PARD3B: variants seen among roughly 807,000 people sequenced by gnomAD.
PARD3B encodes partitioning defective 3 homolog B.
Under a neutral mutation model 130.2 loss-of-function variants are expected in PARD3B, and 103 were observed. That is an observed-to-expected ratio of 0.79 (90% CI 0.67 to 0.93). The LOEUF is 0.93. Ranked by LOEUF, PARD3B falls within the 40% of genes least tolerant of loss-of-function variation. PARD3B has a pLI of 0.00. For missense variants in PARD3B, 1,609 were observed against 1,499.2 expected, an observed-to-expected ratio of 1.07 and a Z score of -1.21; for synonymous variants, 583 against 553.2, an observed-to-expected ratio of 1.05 and a Z score of -0.76.
intron 4 of PARD3B, among the ~76,000 whole-genome samples, chr2:205,077,747 G>A (rs908154150): frequency 6.6e-6 from 1 of 152,082 alleles, no homozygotes; most frequent in African/African-American, 2.4e-5. Context: ...TATCCTTGGG[G>A]ATTTTTTTGA....
chr2:205,335,187 A>G (rs1215779950), intron 18 of PARD3B, among the ~76,000 whole-genome samples: 4 of 152,128 alleles, frequency 2.6e-5, no homozygotes, highest in Admixed American at 1.3e-4. Flanking sequence ...CTTTGATCCA[A>G]TCCAAATATA....
At position 205,443,075 on chromosome 2, in the gene PARD3B, A is replaced by C. The variant is rs374037728; in HGVS notation, c.3044+2403A>C. Among the ~76,000 whole-genome samples the C allele has an allele frequency of 3.5e-4, 54 of 152,326 alleles. 3 individuals are homozygous for C. Among genetic ancestry groups the C allele is most frequent in the African/African-American group, 1.3e-3 (52 of 41,580 alleles). On this transcript the variant is annotated intron_variant, in intron 20 of 22. Transcript: ENST00000406610. ...CCTGCTCCTTGTTCTTCAAGTCTTCAAGCAAGCCGATTTTGTCCTGGCACA... is the reference window on the plus strand; with the variant it reads ...CCTGCTCCTTGTTCTTCAAGTCTTCCAGCAAGCCGATTTTGTCCTGGCACA...
intron 4 of PARD3B, among the ~76,000 whole-genome samples, chr2:205,092,652 G>A (rs1350192264): frequency 6.6e-6 from 1 of 152,142 alleles, no homozygotes; most frequent in Non-Finnish European, 1.5e-5. Flanking sequence ...TGGAAGAGGA[G>A]AGGAATATCG....
intron 2 of PARD3B, among the ~76,000 whole-genome samples, chr2:204,775,725 T>A (rs560493808): frequency 1.1e-4 from 17 of 152,308 alleles, no homozygotes; most frequent in South Asian, 8.3e-4. Flanking sequence ...TAATTCTGCT[T>A]ACTTGGCTGT....
At chr2:205,338,567 A>C (rs12476682) in intron 18 of PARD3B, among the ~76,000 whole-genome samples, 91,400 of 152,072 alleles carry the variant, frequency 0.6, 30,812 homozygotes, top group South Asian at 0.77. Context: ...CTACTCTGGA[A>C]AATCCATTTC....
intron 20 of PARD3B, among the ~76,000 whole-genome samples, chr2:205,468,065 T>C (rs1369922708): frequency 6.6e-6 from 1 of 152,244 alleles, no homozygotes; most frequent in African/African-American, 2.4e-5. Flanking sequence ...AGGTCTGCTT[T>C]CATCCCAGTT....
At chr2:204,771,767 T>C (rs1202177316) in intron 2 of PARD3B, among the ~76,000 whole-genome samples, 1 of 152,162 alleles carries the variant, frequency 6.6e-6, no homozygotes, top group Non-Finnish European at 1.5e-5. Flanking sequence ...ATTTTATTAT[T>C]ATACTTTGTT....
chr2:204,593,859 AC>A (rs1313314764), intron 1 of PARD3B, among the ~76,000 whole-genome samples: 8 of 152,190 alleles, frequency 5.3e-5, no homozygotes, highest in Non-Finnish European at 1.0e-4. Context: ...ACCAGCATCC[AC>A]TAAGACTTTT....
chr2:204,892,836 A>G (rs1410314045), intron 2 of PARD3B, among the ~76,000 whole-genome samples: 1 of 152,210 alleles, frequency 6.6e-6, no homozygotes, highest in Non-Finnish European at 1.5e-5. Context: ...TGGTTGAAAG[A>G]TCTGGGCTGG....
intron 19 of PARD3B, among the ~76,000 whole-genome samples, chr2:205,439,512 T>G (rs2047637523): frequency 6.6e-6 from 1 of 152,202 alleles, no homozygotes; most frequent in Non-Finnish European, 1.5e-5. Flanking sequence ...TAGAGCTGAT[T>G]TAACACTTTC....
intron 20 of PARD3B, among the ~76,000 whole-genome samples, chr2:205,493,720 GTATGTATTTATTTATTTATTTATT>G (rs2049815124): frequency 3.9e-4 from 2 of 5,064 alleles, no homozygotes; most frequent in South Asian, 0.014. Flanking sequence ...TTTCATTTAT[GTATGTATTTATTTATTTATTTATT>G]TATTTATTTA....
chr2:205,249,193 AT>A (rs367716905), intron 16 of PARD3B, among the ~76,000 whole-genome samples: 14 of 123,352 alleles, frequency 1.1e-4, no homozygotes, highest in African/African-American at 2.7e-4. Flanking sequence ...TTTTTTTTGT[AT>A]TTTTTTTTTA....
chr2:205,459,171 G>C (rs1291768668), intron 20 of PARD3B, among the ~76,000 whole-genome samples: 1 of 152,158 alleles, frequency 6.6e-6, no homozygotes, highest in Non-Finnish European at 1.5e-5. Context: ...ATGACTTGGA[G>C]AGAAAAAACG....
intron 21 of PARD3B, among the ~76,000 whole-genome samples, chr2:205,518,888 C>G (rs1414193926): frequency 6.6e-6 from 1 of 152,024 alleles, no homozygotes; most frequent in Non-Finnish European, 1.5e-5. Flanking sequence ...AGATTTTTTT[C>G]TTTCAGACAC....
intron 2 of PARD3B, among the ~76,000 whole-genome samples, chr2:204,705,700 G>A (rs970161499): frequency 6.6e-6 from 1 of 152,178 alleles, no homozygotes; most frequent in East Asian, 1.9e-4. Flanking sequence ...AGATAAAAAT[G>A]TGTCTCTGTA....
At chr2:204,839,205 A>C (rs13408553) in intron 2 of PARD3B, among the ~76,000 whole-genome samples, 18,282 of 152,162 alleles carry the variant, frequency 0.12, 1,485 homozygotes, top group African/African-American at 0.22. Context: ...GTGCTTCCTT[A>C]TATTCAGCTC....
chr2:205,129,726 T>C (rs981721791), intron 10 of PARD3B, among the ~76,000 whole-genome samples: 2 of 152,230 alleles, frequency 1.3e-5, no homozygotes, highest in Admixed American at 1.3e-4. Context: ...GCTTAAATCT[T>C]CCTTACTTCC....
At chr2:205,150,978 G>A (rs972372475) in intron 10 of PARD3B, among the ~76,000 whole-genome samples, 1 of 152,128 alleles carries the variant, frequency 6.6e-6, no homozygotes, top group Non-Finnish European at 1.5e-5. Flanking sequence ...AAATCTCTAG[G>A]AGAGTAGAAT....
chr2:204,841,538 T>A (rs1172401140), intron 2 of PARD3B, among the ~76,000 whole-genome samples: 1 of 152,102 alleles, frequency 6.6e-6, no homozygotes, highest in African/African-American at 2.4e-5. Flanking sequence ...TCAGTGCCTG[T>A]TTTGGGTCAC....
Sources: allele counts gnomAD v4.1 joint callset (sites outside exome capture counted in the v4.1 genomes callset), GRCh38; gene constraint gnomAD v4.1.1; transcripts MANE v1.5; gene names NCBI Gene and HGNC (gene_info 2026-07-23, HGNC 2026-07-21).